LRR1: variants seen among roughly 807,000 people sequenced by gnomAD.
LRR1 encodes leucine-rich repeat protein 1.
A neutral mutation model predicts 31.6 loss-of-function variants in LRR1; 29 were observed. The ratio of observed to expected loss-of-function variants is 0.92; its 90% CI spans 0.68 to 1.25. LRR1 has a LOEUF of 1.25. Among genes scored for constraint, LRR1 ranks in the 50% most tolerant of loss-of-function variants. The pLI, the probability that LRR1 is intolerant of heterozygous loss-of-function variation, is 0.00. For synonymous variants in LRR1, 179 were observed against 181.4 expected (o/e 0.99, Z 0.10); for missense variants, 485 against 487.2 (o/e 1.00, Z 0.04).
chr14:49,599,699 T>C lies in LRR1; in HGVS notation c.183+496T>C, dbSNP rs1292189471. On this transcript the variant is annotated intron_variant, in intron 1 of 3. Coordinates refer to ENST00000298288, the MANE Select transcript of LRR1 (RefSeq NM_152329.4). ...GGTCTTATGATCCGGCGGATCCTCC[T>C]GGGGAGGCCGGGACGGGGAGAGGGC... Among the ~76,000 whole-genome samples, 6 of 149,812 alleles carry C rather than the reference T, an allele frequency of 4.0e-5. No individual in the cohort carries two copies. In the South Asian group the frequency reaches 1.1e-3, roughly 26 times the overall value.
intron 1 of LRR1, chr14:49,600,160 A>T: frequency 6.7e-7 from 1 of 1,487,446 alleles, no homozygotes; most frequent in Non-Finnish European, 9.4e-7. Flanking sequence ...GGGGGCAAGC[A>T]GTACCTCCTA....
rs769401638 is a variant in LRR1, at chr14:49,607,683, T to TA, written c.572dup (p.Leu192AlafsTer15). On this transcript the variant is annotated frameshift_variant, in exon 3 of 4. Coordinates refer to ENST00000298288, the MANE Select transcript of LRR1 (RefSeq NM_152329.4). LOFTEE classifies it high-confidence loss of function. Reference sequence around the variant, plus strand: ...AAATTAGACTTGAGTCACAACCATATAAAAAAGCTTCCAGCTACAATTGGA... The same window carrying TA: ...AAATTAGACTTGAGTCACAACCATATAAAAAAAGCTTCCAGCTACAATTGGA... 19 of 1,610,510 alleles carry TA rather than the reference T, an allele frequency of 1.2e-5. No homozygotes were observed. The highest frequency in any genetic ancestry group is 1.7e-5 in the Admixed American group (1 of 58,752).
chr14:49,602,038 C>T (rs1438733492), intron 1 of LRR1, among the ~76,000 whole-genome samples: 1 of 150,752 alleles, frequency 6.6e-6, no homozygotes, highest in African/African-American at 2.4e-5. Context: ...GAGGCTGAGT[C>T]ATGGGAATTG....
chr14:49,609,370 C>T (rs1273028839), intron 3 of LRR1, among the ~76,000 whole-genome samples: 1 of 151,654 alleles, frequency 6.6e-6, no homozygotes. Flanking sequence ...GGATTACAGG[C>T]GCCCACCGCC....
chr14:49,612,590 T>C, intron 3 of LRR1: 1 of 1,163,508 alleles, frequency 8.6e-7, no homozygotes, highest in Non-Finnish European at 1.1e-6. Context: ...AATTTAAAAA[T>C]TGCAAATAGG....
intron 3 of LRR1, among the ~76,000 whole-genome samples, chr14:49,611,964 A>G (rs1245748584): frequency 1.3e-5 from 2 of 151,936 alleles, no homozygotes; most frequent in Non-Finnish European, 2.9e-5. Context: ...TGTACATTGT[A>G]TTTATTCAAA....
At chr14:49,602,697 T>G (rs551964927) in intron 2 of LRR1, among the ~76,000 whole-genome samples, 1 of 152,244 alleles carries the variant, frequency 6.6e-6, no homozygotes, top group East Asian at 1.9e-4. Flanking sequence ...AGTCTTGATA[T>G]GATGTTGCCC....
chr14:49,602,759 A>C (rs1882112545), intron 2 of LRR1, among the ~76,000 whole-genome samples: 1 of 152,012 alleles, frequency 6.6e-6, no homozygotes, highest in Non-Finnish European at 1.5e-5. Context: ...TCAGCCTCCC[A>C]AAGTGTTGGG....
At chr14:49,599,882 G>A in intron 1 of LRR1, 1 of 624,576 alleles carries the variant, frequency 1.6e-6, no homozygotes, top group Non-Finnish European at 2.3e-6. Context: ...CGGCCCCGCG[G>A]CGTGGAGCGG....
rs1029338576 is a variant in LRR1 at position 49,602,448 on chromosome 14, G to T, written c.262G>T (p.Val88Leu). Residue 88 changes from valine (V) to leucine (L), a missense_variant, in exon 2 of 4, where the codon GTG becomes TTG. Around this residue, in one of 3 missense-constraint regions of LRR1, gnomAD observed 260 missense variants for 249.6 expected, o/e 1.04. Transcript: ENST00000298288. ...CACTGTTCGGTTAAAGGAGCCTCCT[G>T]TGGATATCTGTCTAAGTAAGGTATG... ...KATVRLKEPP[V>L]DICLSKAISS... The T allele has an allele frequency of 2.5e-6, 4 of 1,613,294 alleles. No individual in the cohort carries two copies. The highest frequency in any genetic ancestry group is 1.6e-4 in the Middle Eastern group (1 of 6,062).
chr14:49,614,355 T>A lies in LRR1; in HGVS notation c.1104T>A (p.Ile368=). Residue 368 remains isoleucine, a synonymous_variant, in exon 4 of 4, where the codon ATT becomes ATA. Transcript: ENST00000298288. The stretch of plus-strand genomic sequence containing the variant: ...GAAGATTCTGTCTGAACTCTTTCAT[T>A]CAAGGAACTACTACCATGAATCTGC... ...VCGRFCLNSF[I]QGTTTMNLHS... 1 of 1,614,028 alleles carries A rather than the reference T, an allele frequency of 6.2e-7. No homozygotes were observed. The highest frequency in any genetic ancestry group is 1.1e-5 in the South Asian group (1 of 91,086).
At chr14:49,600,963 A>C in intron 1 of LRR1, 6 of 1,575,978 alleles carry the variant, frequency 3.8e-6, no homozygotes, top group Non-Finnish European at 5.2e-6. Flanking sequence ...ATTTCTGCAC[A>C]GCCCTTACAG....
rs1882128220 is a variant in LRR1, at chr14:49,603,032, A to G, written c.282+564A>G. ...TTTTTTTTTTTTATCTTTAGTAGAG[A>G]CAGGGTTTCACCATGTTGACCAGGC... On this transcript the variant is annotated intron_variant, in intron 2 of 3. Coordinates refer to ENST00000298288, the MANE Select transcript of LRR1 (RefSeq NM_152329.4). Among the ~76,000 whole-genome samples, 4 of 149,446 alleles carry G rather than the reference A, an allele frequency of 2.7e-5. No homozygotes were observed. The South Asian group carries it at 8.5e-4, about 32-fold the overall frequency.
intron 3 of LRR1, chr14:49,612,356 G>T: frequency 1.7e-6 from 1 of 578,364 alleles, no homozygotes; most frequent in Non-Finnish European, 2.3e-6. Flanking sequence ...TTGATAAATG[G>T]CTCTAACTAC....
At chr14:49,604,304 C>CAAACAAAACA (rs909274950) in intron 2 of LRR1, among the ~76,000 whole-genome samples, 1 of 151,908 alleles carries the variant, frequency 6.6e-6, no homozygotes, top group African/African-American at 2.4e-5. Flanking sequence ...GACCCTGTCT[C>CAAACAAAACA]AAACAAAACA....
Position 49,614,260 on chromosome 14 carries a change from C to A in LRR1, c.1009C>A (p.Pro337Thr). ...SARTILHNRI[P>T]YGSHIIPFHL... is the part of the protein sequence containing the mutation. ...TTTTATCATTCTTTCCAATAGGATTCCATATGGCTCTCATATCATTCCATT... is the reference window on the plus strand; with the variant it reads ...TTTTATCATTCTTTCCAATAGGATTACATATGGCTCTCATATCATTCCATT... Residue 337 changes from proline (P) to threonine (T), a missense_variant, in exon 4 of 4, where the codon CCA becomes ACA. By Grantham distance (38) the Pro-to-Thr change is conservative (BLOSUM62 -1). Around this residue, in one of 3 missense-constraint regions of LRR1, gnomAD observed 210 missense variants for 200.4 expected, o/e 1.05. Transcript: ENST00000298288. 2 of 1,611,832 alleles carry A rather than the reference C, an allele frequency of 1.2e-6. No homozygotes were observed. The highest frequency in any genetic ancestry group is 1.1e-5 in the South Asian group (1 of 90,946).
In LRR1 at chr14:49,611,313, A is replaced by G. The variant is rs533026471; in HGVS notation, c.1005-2943A>G. Among the ~76,000 whole-genome samples, 32 of 152,010 alleles carry G rather than the reference A, an allele frequency of 2.1e-4. 1 individual carries two copies. Among genetic ancestry groups the G allele is most frequent in the Admixed American group, 2.0e-3 (31 of 15,264 alleles). ...AACATGGTGAAACCTCGTCTCTACTAAAAATACAAAAATTAGCCGGGCATG... is the reference window on the plus strand; with the variant it reads ...AACATGGTGAAACCTCGTCTCTACTGAAAATACAAAAATTAGCCGGGCATG... On this transcript the variant is annotated intron_variant, in intron 3 of 3. Transcript: ENST00000298288.
intron 1 of LRR1, 25 bp from the exon 2 acceptor site, chr14:49,602,344 CT>C (rs756349332): frequency 7.6e-6 from 12 of 1,570,858 alleles, no homozygotes; most frequent in Non-Finnish European, 7.0e-6. Context: ...TAGTTTTCTT[CT>C]TTTTTTTCTA....
At position 49,607,784 on chromosome 14, in the gene LRR1, A is replaced by G. The variant is rs61754305; in HGVS notation, c.667A>G (p.Thr223Ala). The G allele has an allele frequency of 0.01, 16,406 of 1,614,092 alleles. 109 individuals carry two copies. The highest frequency in any genetic ancestry group is 0.011 in the Non-Finnish European group (13,115 of 1,179,966). Residue 223 changes from threonine to alanine, a missense_variant, in exon 3 of 4, where the codon ACA (threonine) becomes GCA (alanine). Coordinates refer to ENST00000298288, the MANE Select transcript of LRR1 (RefSeq NM_152329.4). ...ATTTAGTGTAGCCTTGTGTCATTCT[A>G]CACTCCAGAAGTCACTTCGGAGTTT... Reference protein sequence around the residue: ...ESFSVALCHSTLQKSLRSLDL... With the variant: ...ESFSVALCHSALQKSLRSLDL...
Sources: allele counts gnomAD v4.1 joint callset (sites outside exome capture counted in the v4.1 genomes callset), GRCh38; gene constraint gnomAD v4.1.1; regional missense constraint gnomAD v4.1.1; transcripts MANE v1.5; gene names NCBI Gene and HGNC (gene_info 2026-07-23, HGNC 2026-07-21).